The following TACR3 variants were observed in gnomAD, a reference collection of about 807,000 sequenced individuals.
TACR3 encodes the protein tachykinin receptor 3.
A neutral mutation model predicts 35.0 loss-of-function variants in TACR3; 34 were observed. That is an observed-to-expected ratio of 0.97 (90% CI 0.74 to 1.30). The LOEUF (loss-of-function observed/expected upper bound fraction) is 1.30, where lower values mean the gene tolerates loss of function less well. Ranked by LOEUF, TACR3 falls within the 50% of genes most tolerant of loss-of-function variation. The pLI, the probability that TACR3 is intolerant of heterozygous loss-of-function variation, is 0.00. For missense variants in TACR3, 558 were observed against 591.7 expected (o/e 0.94, Z 0.59); for synonymous variants, 233 against 221.1 (o/e 1.05, Z -0.48).
At chr4:103,636,944 C>T (rs1251854569) in intron 3 of TACR3, among the ~76,000 whole-genome samples, 1 of 151,932 alleles carries the variant, frequency 6.6e-6, no homozygotes, top group East Asian at 1.9e-4. Context: ...TGGCAATAAT[C>T]AATAGCTTAC....
chr4:103,623,318 G>C (rs1167781905), intron 3 of TACR3, among the ~76,000 whole-genome samples: 1 of 152,044 alleles, frequency 6.6e-6, no homozygotes, highest in Non-Finnish European at 1.5e-5. Flanking sequence ...ATATATTTCA[G>C]AGAGAAGAGA....
intron 3 of TACR3, among the ~76,000 whole-genome samples, chr4:103,621,088 T>A (rs1724766730): frequency 6.6e-6 from 1 of 152,214 alleles, no homozygotes. Flanking sequence ...GTATGCCACA[T>A]GCTAGAGTTT....
chr4:103,687,864 C>G lies in TACR3; in HGVS notation c.549-29461G>C, dbSNP rs1722285705. Among the ~76,000 whole-genome samples, 5 of 152,078 alleles carry G rather than the reference C, an allele frequency of 3.3e-5. No individual in the cohort carries two copies. The South Asian group carries it at 1.0e-3, about 32-fold the overall frequency. ...TTCAATGCCATCCCCATCAAGCTAC[C>G]AATGACTTTCTTCACAGAATTAGAA... On this transcript the variant is annotated intron_variant, in intron 1 of 4. Coordinates refer to ENST00000304883, the MANE Select transcript of TACR3 (RefSeq NM_001059.3).
At chr4:103,683,431 A>G (rs1227989027) in intron 1 of TACR3, among the ~76,000 whole-genome samples, 2 of 136,908 alleles carry the variant, frequency 1.5e-5, no homozygotes, top group Non-Finnish European at 3.1e-5. Flanking sequence ...AACCTTTTGG[A>G]AAGCTTGCTA....
intron 3 of TACR3, among the ~76,000 whole-genome samples, chr4:103,642,828 C>G (rs1725384682): frequency 6.6e-6 from 1 of 151,594 alleles, no homozygotes; most frequent in Non-Finnish European, 1.5e-5. Context: ...TGGAATGCTC[C>G]CAACATAAAG....
chr4:103,690,621 C>T (rs1199178447), intron 1 of TACR3, among the ~76,000 whole-genome samples: 1 of 152,082 alleles, frequency 6.6e-6, no homozygotes, highest in Non-Finnish European at 1.5e-5. Context: ...GAACACCATT[C>T]ACCTATTAGC....
intron 1 of TACR3, among the ~76,000 whole-genome samples, chr4:103,704,229 A>T (rs1227830687): frequency 6.6e-6 from 1 of 152,034 alleles, no homozygotes; most frequent in Non-Finnish European, 1.5e-5. Flanking sequence ...CTTCACAAAA[A>T]TGTCATGCTG....
At chr4:103,590,110 T>A (rs1327645479) in intron 4 of TACR3, 116 bp from the exon 5 acceptor site, 16 of 1,283,654 alleles carry the variant, frequency 1.2e-5, no homozygotes, top group Non-Finnish European at 1.8e-5. Context: ...TTGAGTTTGG[T>A]TTTTAGCCAG....
At position 103,665,296 on chromosome 4, in the gene TACR3, TATATATGA is replaced by T. The variant is rs145416000; in HGVS notation, c.549-6901_549-6894del. Among the ~76,000 whole-genome samples the T allele has an allele frequency of 8.3e-3, 1,263 of 152,036 alleles. 12 individuals carry two copies. Among genetic ancestry groups the T allele is most frequent in the African/African-American group, 0.024 (1,011 of 41,496 alleles). ...ATATGACTATGACTATTCATATATG[TATATATGA>T]ATATATACATATAATAGGATATTAT... On this transcript the variant is annotated intron_variant, in intron 1 of 4. Transcript: ENST00000304883.
At chr4:103,611,386 G>A (rs1327189870) in intron 3 of TACR3, among the ~76,000 whole-genome samples, 1 of 152,110 alleles carries the variant, frequency 6.6e-6, no homozygotes, top group East Asian at 1.9e-4. Flanking sequence ...TGTAGCTATT[G>A]TAAGTGGGAT....
intron 3 of TACR3, among the ~76,000 whole-genome samples, chr4:103,642,238 TATATATAATCACATC>T (rs1175124983): frequency 4.0e-5 from 6 of 151,194 alleles, no homozygotes; most frequent in East Asian, 1.9e-4. Context: ...TCACATTGTA[TATATATAATCACATC>T]ATATATAATC....
chr4:103,599,025 A>T (rs1386743696), intron 3 of TACR3, among the ~76,000 whole-genome samples: 1 of 152,128 alleles, frequency 6.6e-6, no homozygotes, highest in Non-Finnish European at 1.5e-5. Context: ...ATGGCATTGA[A>T]TCTGTAAATT....
chr4:103,598,135 G>A (rs1054463313), intron 3 of TACR3, among the ~76,000 whole-genome samples: 1 of 152,192 alleles, frequency 6.6e-6, no homozygotes, highest in Middle Eastern at 3.4e-3. Context: ...ACTTTTTAAT[G>A]ATCACCATTC....
intron 3 of TACR3, among the ~76,000 whole-genome samples, chr4:103,603,279 C>T (rs1405071784): frequency 6.6e-6 from 1 of 152,206 alleles, no homozygotes; most frequent in Non-Finnish European, 1.5e-5. Flanking sequence ...ACCCGATTTT[C>T]CAGGTGCTGC....
intron 3 of TACR3, among the ~76,000 whole-genome samples, chr4:103,619,233 A>C (rs1316546468): frequency 1.3e-5 from 2 of 152,020 alleles, no homozygotes; most frequent in Non-Finnish European, 2.9e-5. Context: ...TCTGTCACCC[A>C]GGCTGGAGTT....
intron 1 of TACR3, among the ~76,000 whole-genome samples, chr4:103,712,456 C>A (rs1472483318): frequency 6.6e-6 from 1 of 152,118 alleles, no homozygotes; most frequent in Non-Finnish European, 1.5e-5. Flanking sequence ...TTCCTTACAC[C>A]TTATACAAAA....
At chr4:103,644,804 G>A (rs1425960183) in intron 3 of TACR3, among the ~76,000 whole-genome samples, 1 of 151,154 alleles carries the variant, frequency 6.6e-6, no homozygotes, top group African/African-American at 2.4e-5. Flanking sequence ...ATAATAATAT[G>A]AATAACAATA....
chr4:103,614,522 G>T (rs1724587971), intron 3 of TACR3, among the ~76,000 whole-genome samples: 1 of 152,204 alleles, frequency 6.6e-6, no homozygotes, highest in African/African-American at 2.4e-5. Context: ...AAACCTTTCA[G>T]TCTTCATTGC....
chr4:103,708,550 T>C (rs967734586), intron 1 of TACR3, among the ~76,000 whole-genome samples: 3 of 151,944 alleles, frequency 2.0e-5, no homozygotes, highest in Non-Finnish European at 4.4e-5. Flanking sequence ...ACCACAAAGA[T>C]GGGGAAAAAA....
Sources: gnomAD v4.1 joint callset for allele counts (sites outside exome capture counted in the v4.1 genomes callset) on GRCh38, gnomAD v4.1.1 for gene constraint, MANE v1.5 for transcripts, NCBI Gene and HGNC (gene_info 2026-07-23, HGNC 2026-07-21) for gene names.